Variants in IL1RAPL2 observed in about 807,000 individuals in gnomAD.
The protein encoded by IL1RAPL2 is X-linked interleukin-1 receptor accessory protein-like 2.
In IL1RAPL2, 3 loss-of-function variants were observed where a neutral mutation model predicts 44.1. That is an observed-to-expected ratio of 0.07 (90% CI 0.03 to 0.18). The LOEUF is 0.18. Ranked by LOEUF, IL1RAPL2 falls within the 10% of genes least tolerant of loss-of-function variation. The pLI is 1.00. For missense variants in IL1RAPL2, 391 were observed against 496.4 expected (o/e 0.79, Z 2.02); for synonymous variants, 181 against 178.8 (o/e 1.01, Z -0.10).
At chrX:105,547,986 AAAG>A (rs1198301437) in intron 6 of IL1RAPL2, among the ~76,000 whole-genome samples, 1 of 111,812 alleles carries the variant, frequency 8.9e-6, no homozygotes, top group African/African-American at 3.2e-5. Context: ...TCTCTGATGA[AAAG>A]AAGTTTAGTG....
intron 6 of IL1RAPL2, among the ~76,000 whole-genome samples, chrX:105,502,185 A>G (rs2036400175): frequency 8.9e-6 from 1 of 112,371 alleles, no homozygotes; most frequent in Non-Finnish European, 1.9e-5. Context: ...AGTTCCCTTT[A>G]TGCTGAACTA....
At chrX:104,786,527 C>T (rs540940859) in intron 2 of IL1RAPL2, among the ~76,000 whole-genome samples, 2 of 111,860 alleles carry the variant, frequency 1.8e-5, no homozygotes, top group African/African-American at 3.2e-5. Context: ...GACTAAGCAA[C>T]CTGCCCAAGG....
intron 2 of IL1RAPL2, among the ~76,000 whole-genome samples, chrX:104,798,981 T>C: frequency 9.0e-6 from 1 of 111,326 alleles, no homozygotes; most frequent in East Asian, 2.8e-4. Context: ...ATAACTTAAT[T>C]TTATCATACA....
At chrX:105,599,659 A>G (rs376202861) in intron 6 of IL1RAPL2, among the ~76,000 whole-genome samples, 74 of 111,759 alleles carry the variant, frequency 6.6e-4, no homozygotes, top group African/African-American at 2.3e-3. Context: ...CAAAGCAGAA[A>G]ACATCAATTT....
intron 5 of IL1RAPL2, among the ~76,000 whole-genome samples, chrX:105,468,292 C>G (rs1040390589): frequency 1.2e-4 from 13 of 111,772 alleles, no homozygotes; most frequent in Non-Finnish European, 2.3e-4. Context: ...ATCATTTCCA[C>G]TTACATTGCA....
chrX:104,693,091 C>A (rs192059451), intron 2 of IL1RAPL2, among the ~76,000 whole-genome samples: 1 of 111,982 alleles, frequency 8.9e-6, no homozygotes, highest in African/African-American at 3.2e-5. Context: ...TGGACTCTTT[C>A]GAGCCCATGA....
intron 1 of IL1RAPL2, among the ~76,000 whole-genome samples, chrX:104,645,881 T>C (rs186921925): frequency 7.0e-4 from 79 of 112,611 alleles, no homozygotes; most frequent in Admixed American, 5.4e-3. Flanking sequence ...GTCTATCACA[T>C]GCATGATCTC....
chrX:104,874,154 C>A (rs16985118), intron 2 of IL1RAPL2, among the ~76,000 whole-genome samples: 6,025 of 109,763 alleles, frequency 0.055, 431 homozygotes, highest in African/African-American at 0.19. Flanking sequence ...TAGCTGGATC[C>A]AAATATACAG....
intron 6 of IL1RAPL2, among the ~76,000 whole-genome samples, chrX:105,625,174 T>C (rs2037444724): frequency 8.9e-6 from 1 of 112,124 alleles, no homozygotes; most frequent in Non-Finnish European, 1.9e-5. Context: ...ATCCTCATCC[T>C]TTTAGTAGAA....
intron 2 of IL1RAPL2, among the ~76,000 whole-genome samples, chrX:104,844,332 A>G (rs1921987537): frequency 9.0e-6 from 1 of 111,491 alleles, no homozygotes; most frequent in Admixed American, 9.6e-5. Context: ...ACCATGGGTC[A>G]TTAGTTCTGA....
At chrX:105,713,146 A>G (rs2038225580) in intron 6 of IL1RAPL2, among the ~76,000 whole-genome samples, 1 of 111,907 alleles carries the variant, frequency 8.9e-6, no homozygotes, top group Admixed American at 9.4e-5. Context: ...GCATGATGCA[A>G]GATGTCAGTG....
intron 6 of IL1RAPL2, among the ~76,000 whole-genome samples, chrX:105,637,515 C>T (rs1267608851): frequency 9.1e-6 from 1 of 109,838 alleles, no homozygotes; most frequent in Admixed American, 9.7e-5. Context: ...CATTCTGTTG[C>T]ATTCCTCTGT....
At chrX:105,452,466 T>C (rs188783849) in intron 5 of IL1RAPL2, among the ~76,000 whole-genome samples, 1 of 111,681 alleles carries the variant, frequency 9.0e-6, no homozygotes. Flanking sequence ...AGTGAAGTCA[T>C]AGTAAAAACA....
chrX:105,019,634 A>G (rs1235287758), intron 2 of IL1RAPL2, among the ~76,000 whole-genome samples: 6 of 111,759 alleles, frequency 5.4e-5, no homozygotes, highest in Non-Finnish European at 3.8e-5. Context: ...CTACACTGTA[A>G]TAGTAGAAGT....
intron 6 of IL1RAPL2, among the ~76,000 whole-genome samples, chrX:105,617,547 T>C (rs934536273): frequency 5.4e-5 from 6 of 111,753 alleles, no homozygotes; most frequent in African/African-American, 2.0e-4. Context: ...TAATATCCTC[T>C]CAAATTCAGA....
chrX:105,665,822 G>A (rs1372512950), intron 6 of IL1RAPL2, among the ~76,000 whole-genome samples: 1 of 105,420 alleles, frequency 9.5e-6, no homozygotes, highest in Non-Finnish European at 1.9e-5. Context: ...GAGTGCAGTG[G>A]TGCGATCTCG....
At chrX:105,602,952 C>A (rs1462287303) in intron 6 of IL1RAPL2, among the ~76,000 whole-genome samples, 1 of 110,450 alleles carries the variant, frequency 9.1e-6, no homozygotes, top group Non-Finnish European at 1.9e-5. Context: ...ACCCCTACAT[C>A]TGGAAGCAAA....
At chrX:105,280,970 G>C (rs1248139749) in intron 5 of IL1RAPL2, among the ~76,000 whole-genome samples, 2 of 111,225 alleles carry the variant, frequency 1.8e-5, no homozygotes, top group Non-Finnish European at 3.8e-5. Flanking sequence ...AAAGGCACAT[G>C]CGCCCATGTT....
At chrX:105,526,227 A>G (rs765409507) in intron 6 of IL1RAPL2, among the ~76,000 whole-genome samples, 31 of 99,351 alleles carry the variant, frequency 3.1e-4, no homozygotes, top group African/African-American at 1.6e-3. Context: ...AAAATGTTTA[A>G]TAATTCTGAA....
Sources: gnomAD v4.1 joint callset for allele counts (sites outside exome capture counted in the v4.1 genomes callset) on GRCh38, gnomAD v4.1.1 for gene constraint, MANE v1.5 for transcripts, NCBI Gene and HGNC (gene_info 2026-07-23, HGNC 2026-07-21) for gene names.